Variants in ZMAT4 observed in about 807,000 individuals in gnomAD.
The protein encoded by ZMAT4 is zinc finger matrin-type protein 4.
ZMAT4 carries 17 observed loss-of-function variants against 28.7 expected under a neutral mutation model. That is an observed-to-expected ratio of 0.59 (90% CI 0.41 to 0.89). ZMAT4 has a LOEUF of 0.89. Among genes scored for constraint, ZMAT4 ranks in the 40% least tolerant of loss-of-function variants. ZMAT4 has a pLI of 0.00. For missense variants in ZMAT4, 240 were observed against 283.8 expected, an observed-to-expected ratio of 0.85 and a Z score of 1.11; for synonymous variants, 117 against 109.2, an observed-to-expected ratio of 1.07 and a Z score of -0.44.
chr8:40,853,902 A>T (rs140064799), intron 1 of ZMAT4, among the ~76,000 whole-genome samples: 53 of 152,300 alleles, frequency 3.5e-4, no homozygotes, highest in South Asian at 1.2e-3. Flanking sequence ...TTATAAAGAA[A>T]AGAGGTTGAT....
intron 2 of ZMAT4, chr8:40,786,669 C>A: frequency 7.8e-7 from 1 of 1,285,458 alleles, no homozygotes; most frequent in South Asian, 1.2e-5. Context: ...CTCATTCAGT[C>A]CTTGTGCCTC....
rs553807563 is a variant in ZMAT4, at chr8:40,639,926, C to T, written c.577+34778G>A. On this transcript the variant is annotated intron_variant, in intron 5 of 6. Coordinates refer to ENST00000297737, the MANE Select transcript of ZMAT4 (RefSeq NM_024645.3). ...AACCCAAATAACTCCCTTGTCTGGTCCTCTCTCATTCTATTATATCCATCT... is the reference window on the plus strand; with the variant it reads ...AACCCAAATAACTCCCTTGTCTGGTTCTCTCTCATTCTATTATATCCATCT... 1.2e-3 allele frequency among the ~76,000 whole-genome samples: 178 copies of T among 151,820 alleles called. 1 individual carries two copies. The Middle Eastern group carries it at 0.014, about 12-fold the overall frequency.
At chr8:40,647,958 A>G (rs948801324) in intron 5 of ZMAT4, among the ~76,000 whole-genome samples, 48 of 152,164 alleles carry the variant, frequency 3.2e-4, no homozygotes, top group Admixed American at 3.1e-3. Context: ...AGTAGATAAA[A>G]CCACAAAGAT....
chr8:40,689,156 G>A (rs1253238152), intron 4 of ZMAT4, among the ~76,000 whole-genome samples: 2 of 152,228 alleles, frequency 1.3e-5, no homozygotes, highest in Admixed American at 1.3e-4. Context: ...CTTGGCCCAT[G>A]AAGAAAACAG....
At chr8:40,796,249 C>A (rs1192664803) in intron 2 of ZMAT4, among the ~76,000 whole-genome samples, 1 of 152,270 alleles carries the variant, frequency 6.6e-6, no homozygotes, top group Non-Finnish European at 1.5e-5. Context: ...GAGAGGAAAC[C>A]GGCCCCACCG....
intron 5 of ZMAT4, among the ~76,000 whole-genome samples, chr8:40,643,761 A>G (rs1218905883): frequency 7.0e-5 from 9 of 127,698 alleles, no homozygotes; most frequent in Non-Finnish European, 1.6e-5. Flanking sequence ...CAAAGTGAAG[A>G]GTGTGCGTCT....
intron 3 of ZMAT4, among the ~76,000 whole-genome samples, chr8:40,759,221 G>C (rs1159251323): frequency 6.7e-6 from 1 of 149,782 alleles, no homozygotes; most frequent in Non-Finnish European, 1.5e-5. Flanking sequence ...GGTGGAGGTT[G>C]CAGTGAGCCG....
At chr8:40,887,623 C>T (rs375610053) in intron 1 of ZMAT4, among the ~76,000 whole-genome samples, 117 of 152,196 alleles carry the variant, frequency 7.7e-4, no homozygotes, top group African/African-American at 2.4e-3. Context: ...AACTGGCAGG[C>T]GAGCAACCCT....
intron 3 of ZMAT4, among the ~76,000 whole-genome samples, chr8:40,714,927 C>T (rs6474270): frequency 0.6 from 91,067 of 150,894 alleles, 28,116 homozygotes; most frequent in African/African-American, 0.73. Context: ...CACGCACCTG[C>T]AATCCCAGCT....
intron 3 of ZMAT4, among the ~76,000 whole-genome samples, chr8:40,699,966 G>A (rs1483577332): frequency 1.3e-5 from 2 of 152,198 alleles, no homozygotes; most frequent in African/African-American, 2.4e-5. Flanking sequence ...CCCAGACATA[G>A]AGGCCAGCAT....
At chr8:40,889,557 AAATTT>A (rs1429079285) in intron 1 of ZMAT4, among the ~76,000 whole-genome samples, 1 of 152,236 alleles carries the variant, frequency 6.6e-6, no homozygotes, top group African/African-American at 2.4e-5. Flanking sequence ...ACCACCATGA[AAATTT>A]TGATAATATA....
At chr8:40,818,319 A>C (rs1815622817) in intron 2 of ZMAT4, among the ~76,000 whole-genome samples, 1 of 152,240 alleles carries the variant, frequency 6.6e-6, no homozygotes, top group Non-Finnish European at 1.5e-5. Flanking sequence ...ATCTTCAATA[A>C]AATGGACAAG....
rs542941152 is a variant in ZMAT4 at position 40,690,093 on chromosome 8, C to G, written c.349+7152G>C. Among the ~76,000 whole-genome samples, 328 of 152,268 alleles carry G rather than the reference C, an allele frequency of 2.2e-3. 1 individual carries two copies. The highest frequency in any genetic ancestry group is 3.8e-3 in the Non-Finnish European group (259 of 68,022). Reference sequence around the variant, plus strand: ...TAATCTAATCATTGCCCCAAGCTTGCTATGACCCAGCGCAGAAAAATTATG... The same window carrying G: ...TAATCTAATCATTGCCCCAAGCTTGGTATGACCCAGCGCAGAAAAATTATG... On this transcript the variant is annotated intron_variant, in intron 4 of 6. Coordinates refer to ENST00000297737, the MANE Select transcript of ZMAT4 (RefSeq NM_024645.3).
intron 5 of ZMAT4, among the ~76,000 whole-genome samples, chr8:40,621,878 G>A (rs1186256269): frequency 1.3e-5 from 2 of 152,172 alleles, no homozygotes; most frequent in Non-Finnish European, 2.9e-5. Context: ...TTTAGAAAAA[G>A]CTTACCCACC....
chr8:40,532,163 CAA>C lies in ZMAT4; in HGVS notation c.*58_*59del. ...GAAGCCTCCTCTGGTGGTTGATAAGCAATTCTCCACGGCAGAGAAATGCTAAT... is the reference window on the plus strand; with the variant it reads ...GAAGCCTCCTCTGGTGGTTGATAAGCTTCTCCACGGCAGAGAAATGCTAAT... On this transcript the variant is annotated 3_prime_UTR_variant, in exon 7 of 7. Coordinates refer to ENST00000297737, the MANE Select transcript of ZMAT4 (RefSeq NM_024645.3). 6.7e-7 allele frequency: 1 copy of C among 1,498,518 alleles called. No homozygotes were observed. The highest frequency in any genetic ancestry group is 1.4e-5 in the South Asian group (1 of 71,698). 92.8% of individuals were successfully genotyped at this position (1,498,518 alleles called of 1,614,324 possible).
intron 1 of ZMAT4, among the ~76,000 whole-genome samples, chr8:40,879,911 G>T (rs1018213397): frequency 2.7e-5 from 4 of 150,368 alleles, no homozygotes; most frequent in African/African-American, 9.7e-5. Flanking sequence ...CCATTGTATG[G>T]ACGTACCGAA....
chr8:40,794,094 GT>G (rs71224853), intron 2 of ZMAT4, among the ~76,000 whole-genome samples: 21,695 of 151,802 alleles, frequency 0.14, 1,940 homozygotes, highest in Non-Finnish European at 0.2. Flanking sequence ...TTTTTTTAAT[GT>G]TTTTTTTGGA....
At chr8:40,826,913 ACTCCACTTGTTTCAC>A (rs1196320515) in intron 1 of ZMAT4, among the ~76,000 whole-genome samples, 6 of 151,954 alleles carry the variant, frequency 3.9e-5, no homozygotes, top group African/African-American at 1.5e-4. Flanking sequence ...CAGCCCACAA[ACTCCACTTGTTTCAC>A]CTCCTACCCG....
At chr8:40,682,861 G>A (rs941850952) in intron 4 of ZMAT4, among the ~76,000 whole-genome samples, 6 of 152,278 alleles carry the variant, frequency 3.9e-5, no homozygotes, top group East Asian at 1.9e-4. Context: ...TCTAAATATT[G>A]TAAGTATGCC....
Sources: allele counts gnomAD v4.1 joint callset (sites outside exome capture counted in the v4.1 genomes callset), GRCh38; gene constraint gnomAD v4.1.1; transcripts MANE v1.5; gene names NCBI Gene and HGNC (gene_info 2026-07-23, HGNC 2026-07-21).